The following RNF180 variants were observed in gnomAD, a reference collection of about 807,000 sequenced individuals.
The protein encoded by RNF180 is E3 ubiquitin-protein ligase RNF180.
Under a neutral mutation model 59.2 loss-of-function variants are expected in RNF180, and 38 were observed. That is an observed-to-expected ratio of 0.64 (90% confidence interval 0.50 to 0.84). RNF180 has a LOEUF of 0.84. Among genes scored for constraint, RNF180 ranks in the 40% least tolerant of loss-of-function variants. The pLI is 0.00. For synonymous variants in RNF180, 262 were observed against 240.3 expected (o/e 1.09, Z -0.84); for missense variants, 705 against 700.9 (o/e 1.01, Z -0.07).
intron 1 of RNF180, among the ~76,000 whole-genome samples, chr5:64,184,698 G>T (rs1750786473): frequency 6.6e-6 from 1 of 152,152 alleles, no homozygotes; most frequent in Non-Finnish European, 1.5e-5. Context: ...TCCAAACTGA[G>T]AAATTTATAT....
chr5:64,224,270 G>A (rs571517823), intron 5 of RNF180, among the ~76,000 whole-genome samples: 2 of 152,276 alleles, frequency 1.3e-5, no homozygotes, highest in South Asian at 4.1e-4. Context: ...TAGAGGGAAA[G>A]ACAGCTGATT....
At chr5:64,356,562 C>A (rs1746035525) in intron 7 of RNF180, among the ~76,000 whole-genome samples, 1 of 151,716 alleles carries the variant, frequency 6.6e-6, no homozygotes, top group Non-Finnish European at 1.5e-5. Flanking sequence ...ATGTTCATTG[C>A]AGCATTATTC....
chr5:64,356,690 G>C (rs1332391703), intron 7 of RNF180, among the ~76,000 whole-genome samples: 2 of 151,784 alleles, frequency 1.3e-5, no homozygotes, highest in Non-Finnish European at 2.9e-5. Context: ...ATGATATTCT[G>C]ATACATACTG....
At chr5:64,187,212 T>G (rs1750914571) in intron 1 of RNF180, among the ~76,000 whole-genome samples, 1 of 152,152 alleles carries the variant, frequency 6.6e-6, no homozygotes. Context: ...CTATTCAACT[T>G]TAATTGAAGT....
intron 5 of RNF180, among the ~76,000 whole-genome samples, chr5:64,308,192 A>G (rs146832208): frequency 1.3e-5 from 2 of 151,880 alleles, no homozygotes; most frequent in East Asian, 3.9e-4. Context: ...GATTCAGTCA[A>G]TCCTCATTAT....
At chr5:64,250,235 T>C (rs1271350111) in intron 5 of RNF180, among the ~76,000 whole-genome samples, 6 of 151,858 alleles carry the variant, frequency 4.0e-5, no homozygotes, top group Non-Finnish European at 7.4e-5. Flanking sequence ...GTGAAAAAAT[T>C]AAAAGGGAAA....
At chr5:64,262,049 T>C (rs569093648) in intron 5 of RNF180, among the ~76,000 whole-genome samples, 1 of 152,252 alleles carries the variant, frequency 6.6e-6, no homozygotes, top group East Asian at 1.9e-4. Flanking sequence ...GAAGTATCAT[T>C]TTATTGTTAT....
At chr5:64,177,410 T>G (rs967743324) in intron 1 of RNF180, among the ~76,000 whole-genome samples, 1 of 151,826 alleles carries the variant, frequency 6.6e-6, no homozygotes, top group African/African-American at 2.4e-5. Flanking sequence ...TTTCTTGCCC[T>G]TAGTTTATCT....
At chr5:64,286,780 C>T (rs1015557455) in intron 5 of RNF180, among the ~76,000 whole-genome samples, 1 of 152,090 alleles carries the variant, frequency 6.6e-6, no homozygotes, top group Non-Finnish European at 1.5e-5. Flanking sequence ...ACAAGAAATA[C>T]AGCAGAGAAC....
chr5:64,205,841 G>T (rs1341027729), intron 2 of RNF180, among the ~76,000 whole-genome samples: 1 of 151,980 alleles, frequency 6.6e-6, no homozygotes, highest in Non-Finnish European at 1.5e-5. Context: ...GAGAGCAGTA[G>T]TTACTATCAT....
intron 4 of RNF180, among the ~76,000 whole-genome samples, chr5:64,215,569 T>C (rs556794083): frequency 1.3e-5 from 2 of 152,150 alleles, no homozygotes; most frequent in Non-Finnish European, 2.9e-5. Context: ...TTACAAGTGA[T>C]AGTATAATGT....
rs375505642 is a variant in RNF180 at position 64,216,712 on chromosome 5, C to A, written c.1192-649C>A. On this transcript the variant is annotated intron_variant, in intron 4 of 7. Transcript: ENST00000389100. ...ATTGATATTAAAGCAGACATTACAG[C>A]CAGTTTTCAGGGTTTTTGTTTAGCA... 4.9e-4 allele frequency among the ~76,000 whole-genome samples: 74 copies of A among 152,210 alleles called. 3 individuals are homozygous for A. In the South Asian group the frequency reaches 0.014, roughly 30 times the overall value.
chr5:64,169,282 C>T (rs553282025), intron 1 of RNF180, among the ~76,000 whole-genome samples: 2 of 152,288 alleles, frequency 1.3e-5, no homozygotes, highest in South Asian at 4.2e-4. Flanking sequence ...TAAGCTTTCA[C>T]CTAAGTGAGA....
intron 1 of RNF180, among the ~76,000 whole-genome samples, chr5:64,194,079 G>C (rs2112019485): frequency 6.6e-6 from 1 of 152,158 alleles, no homozygotes; most frequent in African/African-American, 2.4e-5. Context: ...ATGTATACAT[G>C]TGCCATGTTG....
intron 1 of RNF180, among the ~76,000 whole-genome samples, chr5:64,181,161 C>T (rs148092802): frequency 3.3e-5 from 5 of 152,170 alleles, no homozygotes; most frequent in Admixed American, 6.5e-5. Flanking sequence ...GTTCTAGCCT[C>T]GCTGGCAGCT....
intron 5 of RNF180, among the ~76,000 whole-genome samples, chr5:64,269,322 C>T (rs1472138905): frequency 1.3e-5 from 2 of 152,120 alleles, no homozygotes; most frequent in Admixed American, 6.6e-5. Context: ...ACTGCAGCCT[C>T]GAACTCCTGG....
chr5:64,339,289 C>A (rs1338104140), intron 7 of RNF180, among the ~76,000 whole-genome samples: 1 of 151,836 alleles, frequency 6.6e-6, no homozygotes. Flanking sequence ...TATTTTTATA[C>A]CATATTAAGG....
At chr5:64,208,577 A>T (rs926741088) in intron 2 of RNF180, among the ~76,000 whole-genome samples, 5 of 152,042 alleles carry the variant, frequency 3.3e-5, no homozygotes, top group African/African-American at 1.2e-4. Context: ...ATTATATTGG[A>T]AATAAATATT....
At chr5:64,347,461 G>A (rs190107150) in intron 7 of RNF180, among the ~76,000 whole-genome samples, 1 of 152,130 alleles carries the variant, frequency 6.6e-6, no homozygotes, top group Non-Finnish European at 1.5e-5. Context: ...AGGGACTTGA[G>A]GAGTATGTTA....
Sources: gnomAD v4.1 joint callset for allele counts (sites outside exome capture counted in the v4.1 genomes callset) on GRCh38, gnomAD v4.1.1 for gene constraint, MANE v1.5 for transcripts, NCBI Gene and HGNC (gene_info 2026-07-23, HGNC 2026-07-21) for gene names.